Variants in VPS41 observed in about 807,000 individuals in gnomAD.
VPS41 encodes the protein VPS41 subunit of HOPS complex, also known as vacuolar protein sorting-associated protein 41 homolog.
Under a neutral mutation model 130.9 loss-of-function variants are expected in VPS41, and 85 were observed. The observed-to-expected ratio is 0.65, with a 90% CI of 0.55 to 0.78. The LOEUF (loss-of-function observed/expected upper bound fraction) is 0.78. Ranked by LOEUF, VPS41 falls within the 30% of genes least tolerant of loss-of-function variation. VPS41 has a pLI of 0.00. For synonymous variants in VPS41, 335 were observed against 332.9 expected, an observed-to-expected ratio of 1.01 and a Z score of -0.07; for missense variants, 874 against 1,018.7, an observed-to-expected ratio of 0.86 and a Z score of 1.93.
intron 1 of VPS41, among the ~76,000 whole-genome samples, chr7:38,899,367 C>T (rs1003972723): frequency 1.3e-4 from 20 of 152,186 alleles, no homozygotes; most frequent in African/African-American, 4.8e-4. Context: ...TCCACAGTAA[C>T]ATTTTTGTTC....
chr7:38,792,482 C>T (rs1445159348), intron 9 of VPS41, among the ~76,000 whole-genome samples: 1 of 152,156 alleles, frequency 6.6e-6, no homozygotes, highest in Non-Finnish European at 1.5e-5. Context: ...TGTGATCTTA[C>T]ACCCCACATC....
At chr7:38,903,679 G>T (rs978038820) in intron 1 of VPS41, among the ~76,000 whole-genome samples, 1 of 152,290 alleles carries the variant, frequency 6.6e-6, no homozygotes, top group East Asian at 1.9e-4. Context: ...TATAGGCACT[G>T]TCTGATATAG....
At chr7:38,860,285 T>C (rs1166766408) in intron 4 of VPS41, among the ~76,000 whole-genome samples, 2 of 152,190 alleles carry the variant, frequency 1.3e-5, no homozygotes, top group Admixed American at 1.3e-4. Flanking sequence ...CATGTATAGG[T>C]GCTTGTGCAA....
At chr7:38,902,234 C>T (rs1236630510) in intron 1 of VPS41, among the ~76,000 whole-genome samples, 1 of 152,296 alleles carries the variant, frequency 6.6e-6, no homozygotes, top group East Asian at 1.9e-4. Context: ...CTCAGTAGTG[C>T]TCCAGCCTGA....
At chr7:38,798,423 G>C (rs980227638) in intron 7 of VPS41, among the ~76,000 whole-genome samples, 1 of 152,132 alleles carries the variant, frequency 6.6e-6, no homozygotes, top group Non-Finnish European at 1.5e-5. Context: ...CTCCCAAGTA[G>C]CTGGGATTAC....
intron 5 of VPS41, among the ~76,000 whole-genome samples, chr7:38,823,201 T>C (rs560092379): frequency 2.6e-5 from 4 of 152,300 alleles, no homozygotes; most frequent in East Asian, 1.9e-4. Flanking sequence ...ATAAGAAAGC[T>C]TGGGGTAACT....
intron 2 of VPS41, among the ~76,000 whole-genome samples, chr7:38,880,669 T>G (rs987154228): frequency 1.3e-5 from 2 of 152,198 alleles, no homozygotes; most frequent in Non-Finnish European, 2.9e-5. Context: ...TAAAGAACTG[T>G]GATGACATGG....
intron 20 of VPS41, 25 bp downstream of exon 20, chr7:38,754,870 A>T (rs1293900379): frequency 6.2e-7 from 1 of 1,610,326 alleles, no homozygotes; most frequent in South Asian, 1.1e-5. Context: ...ATCTGGTAAC[A>T]CATATAAAAA....
intron 2 of VPS41, among the ~76,000 whole-genome samples, chr7:38,878,261 G>C (rs976607757): frequency 6.6e-6 from 1 of 152,038 alleles, no homozygotes; most frequent in African/African-American, 2.4e-5. Context: ...CAGACAAATT[G>C]AATATGAGAC....
chr7:38,772,007 G>C (rs773985830), intron 13 of VPS41, among the ~76,000 whole-genome samples: 2 of 151,804 alleles, frequency 1.3e-5, no homozygotes, highest in Non-Finnish European at 2.9e-5. Flanking sequence ...ATCTAAGAAC[G>C]TAACTTTGTA....
rs773591995 is a variant in VPS41 at position 38,821,269 on chromosome 7, C to T, written c.322-4G>A. The T allele has an allele frequency of 6.1e-5, 98 of 1,612,134 alleles. 1 individual carries two copies. The South Asian group carries it at 9.6e-4, about 16-fold the overall frequency. On this transcript the variant is annotated splice_polypyrimidine_tract_variant and splice_region_variant and intron_variant, in intron 5 of 28. Coordinates refer to ENST00000310301, the MANE Select transcript of VPS41 (RefSeq NM_014396.4). ...AATACAGTCCAAATACCTGCACCTA[C>T]AAAGAAAATGGATTGTATCAGCTCA...
At chr7:38,751,158 T>C (rs1239944538) in intron 22 of VPS41, among the ~76,000 whole-genome samples, 1 of 152,216 alleles carries the variant, frequency 6.6e-6, no homozygotes, top group African/African-American at 2.4e-5. Context: ...TTGAGCTAAA[T>C]TGGTTCACAG....
chr7:38,908,918 GA>G (rs1787327164), intron 1 of VPS41, among the ~76,000 whole-genome samples: 1 of 152,206 alleles, frequency 6.6e-6, no homozygotes, highest in Admixed American at 6.5e-5. Context: ...GGGGCCCGAG[GA>G]AAGGCAGCCC....
At position 38,880,813 on chromosome 7, in the gene VPS41, T is replaced by A. The variant is rs547689080; in HGVS notation, c.61-11560A>T. Among the ~76,000 whole-genome samples, 82 of 152,356 alleles carry A rather than the reference T, an allele frequency of 5.4e-4. No homozygotes were observed. In the Middle Eastern group the frequency reaches 0.01, roughly 19 times the overall value. On this transcript the variant is annotated intron_variant, in intron 2 of 28. Coordinates refer to ENST00000310301, the MANE Select transcript of VPS41 (RefSeq NM_014396.4). The stretch of plus-strand genomic sequence containing the variant: ...GCAGAGACAGGAATGCCTTAAAGCC[T>A]TGACAGCATAGAATCAGGCCCTAAT...
At chr7:38,810,565 T>G (rs1405861467) in intron 7 of VPS41, among the ~76,000 whole-genome samples, 3 of 152,196 alleles carry the variant, frequency 2.0e-5, no homozygotes, top group Non-Finnish European at 2.9e-5. Flanking sequence ...GTTCCTCTAG[T>G]CTCTGTGCCA....
intron 22 of VPS41, among the ~76,000 whole-genome samples, chr7:38,746,339 G>A (rs1389899278): frequency 2.0e-5 from 3 of 151,770 alleles, no homozygotes; most frequent in Non-Finnish European, 4.4e-5. Flanking sequence ...TATATTCTCT[G>A]TGCTGGGTGC....
intron 4 of VPS41, 92 bp downstream of exon 4, chr7:38,862,453 T>C (rs1786137011): frequency 4.1e-6 from 3 of 726,042 alleles, no homozygotes; most frequent in Admixed American, 5.5e-5. Flanking sequence ...ATCCTCTTTA[T>C]GCTATTAAAA....
chr7:38,833,962 G>A (rs1370181414), intron 4 of VPS41, among the ~76,000 whole-genome samples: 1 of 151,982 alleles, frequency 6.6e-6, no homozygotes, highest in Non-Finnish European at 1.5e-5. Context: ...AGCCTATAGA[G>A]AAAATCCAAG....
intron 2 of VPS41, among the ~76,000 whole-genome samples, chr7:38,897,747 C>T (rs551551504): frequency 1.4e-3 from 212 of 151,960 alleles, no homozygotes; most frequent in African/African-American, 4.9e-3. Context: ...GAATAAACAT[C>T]ATAAAACCTA....
Sources: gnomAD v4.1 joint callset for allele counts (sites outside exome capture counted in the v4.1 genomes callset) on GRCh38, gnomAD v4.1.1 for gene constraint, MANE v1.5 for transcripts, NCBI Gene and HGNC (gene_info 2026-07-23, HGNC 2026-07-21) for gene names.